The following CTNND2 variants were observed in gnomAD, a reference collection of about 807,000 sequenced individuals.
CTNND2 encodes catenin delta 2.
CTNND2 carries 22 observed loss-of-function variants against 144.4 expected under a neutral mutation model. The ratio of observed to expected loss-of-function variants is 0.15; its 90% CI spans 0.11 to 0.22. The LOEUF is 0.22. Among genes scored for constraint, CTNND2 ranks in the 10% least tolerant of loss-of-function variants. The pLI, the probability that CTNND2 is intolerant of heterozygous loss-of-function variation, is 1.00. For missense variants in CTNND2, 1,353 were observed against 1,618.8 expected, an observed-to-expected ratio of 0.84 and a Z score of 2.82; for synonymous variants, 751 against 695.6, an observed-to-expected ratio of 1.08 and a Z score of -1.25.
chr5:11,130,281 C>T (rs761161816), intron 12 of CTNND2, among the ~76,000 whole-genome samples: 9 of 152,026 alleles, frequency 5.9e-5, no homozygotes, highest in Non-Finnish European at 1.0e-4. Flanking sequence ...CACCCATAAA[C>T]GTAAGCCATC....
intron 9 of CTNND2, among the ~76,000 whole-genome samples, chr5:11,330,524 T>C (rs4493642): frequency 0.034 from 5,057 of 146,922 alleles, 294 homozygotes; most frequent in African/African-American, 0.12. Flanking sequence ...GGAAAACTTA[T>C]GGTTACAGAG....
intron 10 of CTNND2, among the ~76,000 whole-genome samples, chr5:11,202,059 G>A (rs1366925767): frequency 3.3e-5 from 5 of 152,098 alleles, no homozygotes; most frequent in African/African-American, 1.2e-4. Flanking sequence ...TCTGAATTTA[G>A]TTATTTAAAT....
intron 1 of CTNND2, among the ~76,000 whole-genome samples, chr5:11,879,362 T>TATATATATATATATATATAC (rs1735847247): frequency 7.3e-6 from 1 of 137,200 alleles, no homozygotes. Context: ...TATATACATA[T>TATATATATATATATATATAC]ACACACACAC....
chr5:11,361,796 G>A (rs148361431), intron 8 of CTNND2, among the ~76,000 whole-genome samples: 1 of 152,240 alleles, frequency 6.6e-6, no homozygotes, highest in African/African-American at 2.4e-5. Flanking sequence ...CAATGACACC[G>A]TCTAATAATT....
At chr5:11,843,827 G>T (rs1794608079) in intron 1 of CTNND2, among the ~76,000 whole-genome samples, 1 of 151,898 alleles carries the variant, frequency 6.6e-6, no homozygotes, top group African/African-American at 2.4e-5. Flanking sequence ...TTTTCCAGGG[G>T]TGGTTTGTTT....
intron 3 of CTNND2, among the ~76,000 whole-genome samples, chr5:11,427,469 G>C (rs894309578): frequency 6.6e-6 from 1 of 151,792 alleles, no homozygotes; most frequent in Non-Finnish European, 1.5e-5. Context: ...TATTAGAGAC[G>C]AGGTTTGACC....
rs61758950 is a variant in CTNND2 at position 11,462,371 on chromosome 5, T to C, written c.288-50302A>G. Among the ~76,000 whole-genome samples, 1,240 of 152,300 alleles carry C rather than the reference T, an allele frequency of 8.1e-3. 22 individuals are homozygous for C. Among genetic ancestry groups the C allele is most frequent in the African/African-American group, 0.029 (1,200 of 41,554 alleles). On this transcript the variant is annotated intron_variant, in intron 3 of 21. Transcript: ENST00000304623. The stretch of plus-strand genomic sequence containing the variant: ...CCTTCACTGTGGATTTGACCTATTA[T>C]AAAGCACTGATACACCCCTGACATA...
intron 7 of CTNND2, among the ~76,000 whole-genome samples, chr5:11,382,901 C>G (rs1186799277): frequency 6.6e-6 from 1 of 151,848 alleles, no homozygotes; most frequent in Non-Finnish European, 1.5e-5. Flanking sequence ...GAGTTTGTCC[C>G]TTATACCTTC....
chr5:11,724,292 G>T (rs1465939113), intron 2 of CTNND2, among the ~76,000 whole-genome samples: 1 of 152,024 alleles, frequency 6.6e-6, no homozygotes, highest in African/African-American at 2.4e-5. Context: ...CCGTGTTCTT[G>T]GGGGGCATTC....
chr5:11,108,531 A>G (rs1752643195), intron 14 of CTNND2, among the ~76,000 whole-genome samples: 1 of 152,246 alleles, frequency 6.6e-6, no homozygotes, highest in Admixed American at 6.5e-5. Context: ...TGATCATGAA[A>G]GAAGACCTAC....
chr5:11,702,177 C>A (rs1287495134), intron 2 of CTNND2, among the ~76,000 whole-genome samples: 2 of 152,180 alleles, frequency 1.3e-5, no homozygotes, highest in African/African-American at 4.8e-5. Flanking sequence ...CAGAATGGAG[C>A]TGACCACCCC....
intron 1 of CTNND2, among the ~76,000 whole-genome samples, chr5:11,814,962 C>T (rs1002134574): frequency 5.3e-5 from 8 of 152,088 alleles, no homozygotes; most frequent in Non-Finnish European, 8.8e-5. Flanking sequence ...GTAGTAAATG[C>T]AATTTAAAGA....
intron 3 of CTNND2, among the ~76,000 whole-genome samples, chr5:11,417,859 A>G (rs1762045844): frequency 6.6e-6 from 1 of 152,190 alleles, no homozygotes; most frequent in South Asian, 2.1e-4. Context: ...GTTCTTGCCT[A>G]CATTGTTGTA....
At chr5:11,240,421 GAC>G (rs1207983941) in intron 9 of CTNND2, among the ~76,000 whole-genome samples, 44 of 29,980 alleles carry the variant, frequency 1.5e-3, no homozygotes, top group African/African-American at 1.0e-3. Flanking sequence ...AACACACACT[GAC>G]ACACACTCAC....
chr5:11,847,053 A>C (rs937425103), intron 1 of CTNND2, among the ~76,000 whole-genome samples: 1 of 149,956 alleles, frequency 6.7e-6, no homozygotes, highest in Non-Finnish European at 1.5e-5. Context: ...AATTAAAAAT[A>C]TAACTACGGT....
intron 1 of CTNND2, among the ~76,000 whole-genome samples, chr5:11,847,474 C>A (rs1003571401): frequency 6.6e-6 from 1 of 151,744 alleles, no homozygotes; most frequent in Non-Finnish European, 1.5e-5. Flanking sequence ...TTACCAGAGG[C>A]TGGGAAGGAG....
chr5:11,353,551 T>A (rs185195801), intron 8 of CTNND2, among the ~76,000 whole-genome samples: 10 of 152,346 alleles, frequency 6.6e-5, no homozygotes, highest in Admixed American at 4.6e-4. Flanking sequence ...ACGCCTGTAA[T>A]TCCAGCACTT....
intron 3 of CTNND2, among the ~76,000 whole-genome samples, chr5:11,554,048 T>C (rs894848720): frequency 6.6e-6 from 1 of 152,170 alleles, no homozygotes; most frequent in African/African-American, 2.4e-5. Context: ...TTTGAACAGC[T>C]GACTATTTAT....
At position 11,817,981 on chromosome 5, in the gene CTNND2, G is replaced by GTTTTTTT. The variant is rs35360011; in HGVS notation, c.38-85716_38-85710dup. Among the ~76,000 whole-genome samples the GTTTTTTT allele has an allele frequency of 1.3e-4, 4 of 31,870 alleles. 1 individual carries two copies. Among genetic ancestry groups the GTTTTTTT allele is most frequent in the African/African-American group, 3.3e-4 (4 of 11,966 alleles). 20.9% of individuals were successfully genotyped at this position (31,870 alleles called of 152,430 possible). A position where few individuals can be genotyped will look rare whatever the true frequency, so the allele number is the denominator to read the frequency against. On this transcript the variant is annotated intron_variant, in intron 1 of 21. Coordinates refer to ENST00000304623, the MANE Select transcript of CTNND2 (RefSeq NM_001332.4). ...GAAGTGAAGATACGTATTATGAGGT[G>GTTTTTTT]TTTTTTTTTTTTTTTTTTTTTTTCA...
Sources: allele counts gnomAD v4.1 joint callset (sites outside exome capture counted in the v4.1 genomes callset), GRCh38; gene constraint gnomAD v4.1.1; transcripts MANE v1.5; gene names NCBI Gene and HGNC (gene_info 2026-07-23, HGNC 2026-07-21).